Variants in THAP4 observed in about 807,000 individuals in gnomAD.
The protein encoded by THAP4 is peroxynitrite isomerase THAP4.
A neutral mutation model predicts 48.1 loss-of-function variants in THAP4; 18 were observed. The observed-to-expected ratio is 0.37, with a 90% CI of 0.26 to 0.56. The LOEUF (loss-of-function observed/expected upper bound fraction) is 0.56. Ranked by LOEUF, THAP4 falls within the 20% of genes least tolerant of loss-of-function variation. The pLI is 0.78. For missense variants in THAP4, 656 were observed against 774.9 expected (o/e 0.85, Z 1.82); for synonymous variants, 345 against 324.9 (o/e 1.06, Z -0.66).
chr2:241,635,521 G>A (rs1173106481), intron 1 of THAP4, among the ~76,000 whole-genome samples: 3 of 152,208 alleles, frequency 2.0e-5, no homozygotes, highest in South Asian at 2.1e-4. Context: ...TTGGGAGGCC[G>A]AGGCGGGTGG....
chr2:241,617,816 CT>C (rs772805379), intron 2 of THAP4, among the ~76,000 whole-genome samples: 1 of 152,176 alleles, frequency 6.6e-6, no homozygotes, highest in Non-Finnish European at 1.5e-5. Flanking sequence ...CTGGCCACCC[CT>C]GGCATGTCCT....
At chr2:241,621,072 G>T (rs867740417) in intron 2 of THAP4, among the ~76,000 whole-genome samples, 2 of 152,300 alleles carry the variant, frequency 1.3e-5, no homozygotes. Context: ...GTTAGTTTGG[G>T]GACAGTGGCT....
At chr2:241,587,695 TC>T (rs2125065310) in intron 5 of THAP4, among the ~76,000 whole-genome samples, 1 of 152,284 alleles carries the variant, frequency 6.6e-6, no homozygotes, top group African/African-American at 2.4e-5. Context: ...TAAAAAATTC[TC>T]AATTATTTGG....
At chr2:241,604,227 C>A (rs2067152198) in intron 3 of THAP4, among the ~76,000 whole-genome samples, 1 of 151,844 alleles carries the variant, frequency 6.6e-6, no homozygotes, top group Admixed American at 6.6e-5. Flanking sequence ...GCGCCCACCA[C>A]ACCCGGCTAA....
intron 2 of THAP4, among the ~76,000 whole-genome samples, chr2:241,632,392 G>A (rs894146052): frequency 6.6e-6 from 1 of 152,088 alleles, no homozygotes; most frequent in African/African-American, 2.4e-5. Context: ...GAGCCACCGA[G>A]TCCAGCCTCA....
intron 2 of THAP4, among the ~76,000 whole-genome samples, chr2:241,618,128 G>T (rs1353826134): frequency 6.6e-6 from 1 of 152,238 alleles, no homozygotes; most frequent in African/African-American, 2.4e-5. Context: ...GGGAGGAGCT[G>T]TCCAGGAACA....
At chr2:241,617,487 G>A in intron 2 of THAP4, 1 of 1,547,044 alleles carries the variant, frequency 6.5e-7, no homozygotes, top group Non-Finnish European at 8.7e-7. Context: ...GACGGGAAAT[G>A]TTTGCACCTG....
intron 2 of THAP4, among the ~76,000 whole-genome samples, chr2:241,627,646 C>T (rs891481980): frequency 6.6e-6 from 1 of 152,232 alleles, no homozygotes; most frequent in Non-Finnish European, 1.5e-5. Flanking sequence ...CCACATAAAT[C>T]CCTAAAGAAT....
Position 241,584,498 on chromosome 2 carries a change from C to A in THAP4, c.*108G>T, listed in dbSNP as rs2066866942. ...CATCTGGACAACACTCTTGAGCCTG[C>A]AGAGGCTCACGGCCACACCCACTTC... On this transcript the variant is annotated 3_prime_UTR_variant, in exon 6 of 6. Coordinates refer to ENST00000407315, the MANE Select transcript of THAP4 (RefSeq NM_015963.6). The A allele has an allele frequency of 1.6e-6, 2 of 1,219,246 alleles. No individual in the cohort carries two copies. Among genetic ancestry groups the A allele is most frequent in the Admixed American group, 1.9e-5 (1 of 51,960 alleles). The allele number at this position is 1,219,246 out of a possible 1,614,324, so 75.5% of individuals were successfully genotyped here. A position where few individuals can be genotyped will look rare whatever the true frequency, so the allele number is the denominator to read the frequency against.
At chr2:241,621,608 G>GAA (rs199555180) in intron 2 of THAP4, among the ~76,000 whole-genome samples, 1 of 151,040 alleles carries the variant, frequency 6.6e-6, no homozygotes, top group Admixed American at 6.6e-5. Flanking sequence ...AATGCAAAGA[G>GAA]AAAAAAACGG....
intron 5 of THAP4, among the ~76,000 whole-genome samples, chr2:241,590,062 C>T (rs62192971): frequency 3.6e-5 from 5 of 139,222 alleles, no homozygotes; most frequent in Non-Finnish European, 7.8e-5. Context: ...CAGAGCTGCT[C>T]GGCTGACGAT....
In THAP4 at chr2:241,586,021, C is replaced by T. The variant is rs1290262253; in HGVS notation, c.1615-1296G>A. On this transcript the variant is annotated intron_variant, in intron 5 of 5. Coordinates refer to ENST00000407315, the MANE Select transcript of THAP4 (RefSeq NM_015963.6). ...CTGTAATCCCAGCACTTTGGGAGGC[C>T]GAGGCGGGCGGATCACGAGGTAAGG... Among the ~76,000 whole-genome samples the T allele has an allele frequency of 7.3e-5, 11 of 150,866 alleles. 1 individual carries two copies. Among genetic ancestry groups the T allele is most frequent in the Admixed American group, 4.0e-4 (6 of 15,146 alleles).
In THAP4 at chr2:241,620,365, AGTGAGGG is replaced by A. The variant is rs201760357; in HGVS notation, c.1240+12545_1240+12551del. ...TGAGTGAGGGGTGAGTGAGTCGGTG[AGTGAGGG>A]GTGAGGGGTGAGTGAGTCAGTGAGT... On this transcript the variant is annotated intron_variant, in intron 2 of 5. Transcript: ENST00000407315. Among the ~76,000 whole-genome samples the A allele has an allele frequency of 4.3e-4, 36 of 82,846 alleles. 1 individual carries two copies. The highest frequency in any genetic ancestry group is 1.7e-3 in the African/African-American group (34 of 19,852). The allele number at this position is 82,846 out of a possible 152,430, so 54.4% of individuals were successfully genotyped here. A position where few individuals can be genotyped will look rare whatever the true frequency, so the allele number is the denominator to read the frequency against.
chr2:241,587,832 T>G (rs995590659), intron 5 of THAP4, among the ~76,000 whole-genome samples: 4 of 151,980 alleles, frequency 2.6e-5, no homozygotes, highest in Admixed American at 1.3e-4. Context: ...GGAGAATCAC[T>G]TGAACTGGCG....
intron 2 of THAP4, among the ~76,000 whole-genome samples, chr2:241,628,453 C>G (rs958393877): frequency 3.3e-5 from 5 of 152,076 alleles, no homozygotes; most frequent in African/African-American, 1.2e-4. Flanking sequence ...CTGCTCCTCC[C>G]CAAAAGCCTC....
chr2:241,595,864 A>G (rs2067040406), intron 5 of THAP4, among the ~76,000 whole-genome samples: 2 of 152,222 alleles, frequency 1.3e-5, no homozygotes, highest in Admixed American at 1.3e-4. Context: ...CTGCTGTAAG[A>G]CCAGCCCCGG....
chr2:241,632,840 A>T, intron 2 of THAP4, 77 bp downstream of exon 2: 1 of 1,186,192 alleles, frequency 8.4e-7, no homozygotes, highest in African/African-American at 1.5e-5. Context: ...AGAAATGCTC[A>T]GGGGACGCTG....
chr2:241,603,234 CTG>C (rs961284457), intron 3 of THAP4, among the ~76,000 whole-genome samples, 155 bp from the exon 4 acceptor site: 17 of 152,292 alleles, frequency 1.1e-4, no homozygotes, highest in Admixed American at 4.6e-4. Flanking sequence ...CTCATTTTGG[CTG>C]TGTCTGTCTT....
chr2:241,617,136 G>A (rs1207405262), intron 2 of THAP4, among the ~76,000 whole-genome samples: 1 of 152,122 alleles, frequency 6.6e-6, no homozygotes, highest in Non-Finnish European at 1.5e-5. Context: ...CCATCAAACT[G>A]TGACCTCAAT....
Sources: gnomAD v4.1 joint callset for allele counts (sites outside exome capture counted in the v4.1 genomes callset) on GRCh38, gnomAD v4.1.1 for gene constraint, MANE v1.5 for transcripts, NCBI Gene and HGNC (gene_info 2026-07-23, HGNC 2026-07-21) for gene names.